The following MAML2 variants were observed in gnomAD, a reference collection of about 807,000 sequenced individuals.
MAML2 encodes mastermind like transcriptional coactivator 2.
Under a neutral mutation model 96.1 loss-of-function variants are expected in MAML2, and 22 were observed. The observed-to-expected ratio is 0.23, with a 90% CI of 0.16 to 0.33. The LOEUF (loss-of-function observed/expected upper bound fraction) is 0.33. MAML2 is among the 10% of genes least tolerant of loss of function. The pLI is 1.00. For synonymous variants in MAML2, 561 were observed against 521.3 expected (o/e 1.08, Z -1.04); for missense variants, 1,367 against 1,392.4 (o/e 0.98, Z 0.29).
chr11:96,157,009 C>G (rs1414925005), intron 1 of MAML2, among the ~76,000 whole-genome samples: 1 of 152,200 alleles, frequency 6.6e-6, no homozygotes, highest in Non-Finnish European at 1.5e-5. Flanking sequence ...AAGGCAGACT[C>G]AGAAGGCAAA....
chr11:96,044,205 C>T (rs538574825), intron 2 of MAML2, among the ~76,000 whole-genome samples: 2 of 152,326 alleles, frequency 1.3e-5, no homozygotes, highest in South Asian at 4.1e-4. Context: ...GGGTATCTGG[C>T]TGGGCAAGAG....
At chr11:96,000,889 A>G (rs1411076244) in intron 2 of MAML2, among the ~76,000 whole-genome samples, 2 of 152,252 alleles carry the variant, frequency 1.3e-5, no homozygotes, top group African/African-American at 2.4e-5. Flanking sequence ...CTTATCTGAT[A>G]TAACTTATTG....
At chr11:96,299,060 A>ATATATATATATATATATATATATATAT (rs1555037072) in intron 1 of MAML2, among the ~76,000 whole-genome samples, 16 of 56,314 alleles carry the variant, frequency 2.8e-4, no homozygotes, top group African/African-American at 9.0e-4. Flanking sequence ...AAAAAAAAAA[A>ATATATATATATATATATATATATATAT]ATATATATAT....
At chr11:96,229,029 C>G (rs1862254428) in intron 1 of MAML2, among the ~76,000 whole-genome samples, 1 of 151,182 alleles carries the variant, frequency 6.6e-6, no homozygotes, top group Non-Finnish European at 1.5e-5. Flanking sequence ...GTAGAACAAT[C>G]TATAGAAATA....
At position 96,201,910 on chromosome 11, in the gene MAML2, C is replaced by A. The variant is rs140598502; in HGVS notation, c.514-108393G>T. On this transcript the variant is annotated intron_variant, in intron 1 of 4. Transcript: ENST00000524717. Reference sequence around the variant, plus strand: ...CTCCAGCCTGAGCGACAGAGAGAGACTCCATCTCAAAAAAAAAAAGTCTCT... The same window carrying A: ...CTCCAGCCTGAGCGACAGAGAGAGAATCCATCTCAAAAAAAAAAAGTCTCT... Among the ~76,000 whole-genome samples the A allele has an allele frequency of 3.8e-3, 564 of 147,494 alleles. 16 individuals carry two copies. The highest frequency in any genetic ancestry group is 0.027 in the East Asian group (131 of 4,792).
At position 95,991,642 on chromosome 11, in the gene MAML2, A is replaced by G. The variant is rs1367347847; in HGVS notation, c.2221T>C (p.Tyr741His). The G allele has an allele frequency of 6.2e-7, 1 of 1,613,720 alleles. No individual in the cohort carries two copies. Among genetic ancestry groups the G allele is most frequent in the South Asian group, 1.1e-5 (1 of 91,078 alleles). The change falls in exon 3 of 5, where the codon TAC becomes CAC. Residue 741 changes from tyrosine (Y) to histidine (H), a missense_variant. Physicochemically the swap from Tyr to His is moderately conservative, Grantham distance 83 (BLOSUM62 2). Coordinates refer to ENST00000524717, the MANE Select transcript of MAML2 (RefSeq NM_032427.4). ...PCSNPNTGSG[Y>H]MNSQQSLLNQ... The stretch of plus-strand genomic sequence containing the variant: ...AACAGTGATTGCTGGGAGTTCATGT[A>G]ACCACTTCCAGTGTTTGGATTTGAG...
At chr11:96,288,888 T>C (rs535084072) in intron 1 of MAML2, among the ~76,000 whole-genome samples, 67 of 152,340 alleles carry the variant, frequency 4.4e-4, no homozygotes, top group Non-Finnish European at 8.7e-4. Flanking sequence ...ATATAATTTT[T>C]CTACTAATAA....
chr11:96,042,280 A>G (rs2509077), intron 2 of MAML2, among the ~76,000 whole-genome samples: 105,262 of 151,710 alleles, frequency 0.69, 37,137 homozygotes, highest in East Asian at 0.86. Flanking sequence ...GCCCATCCAT[A>G]CCAGGCTATT....
Position 95,978,977 on chromosome 11 carries a change from G to T in MAML2, c.3442C>A (p.Leu1148Ile). 1 of 1,611,570 alleles carries T rather than the reference G, an allele frequency of 6.2e-7. No homozygotes were observed. The highest frequency in any genetic ancestry group is 8.5e-7 in the Non-Finnish European group (1 of 1,179,150). ...GNDDWMKDIN[L>I]DEILGNNS ...GAATTGTTCCCCAAGATTTCATCAA[G>T]ATTGATGTCTTTCATCCAGTCATCA... Residue 1148 changes from leucine to isoleucine, a missense_variant, in exon 5 of 5, where the codon CTT becomes ATT. Transcript: ENST00000524717.
chr11:96,230,742 A>T (rs1229162365), intron 1 of MAML2, among the ~76,000 whole-genome samples: 1 of 152,236 alleles, frequency 6.6e-6, no homozygotes, highest in Non-Finnish European at 1.5e-5. Context: ...ATCTTTGGAA[A>T]TAGTCCTCAG....
chr11:96,169,387 C>T (rs1208112709), intron 1 of MAML2, among the ~76,000 whole-genome samples: 1 of 152,226 alleles, frequency 6.6e-6, no homozygotes, highest in Non-Finnish European at 1.5e-5. Flanking sequence ...CCTGTTCCAT[C>T]TAGCACTTTC....
At chr11:96,216,448 T>C (rs1420795341) in intron 1 of MAML2, among the ~76,000 whole-genome samples, 2 of 152,220 alleles carry the variant, frequency 1.3e-5, no homozygotes, top group East Asian at 3.8e-4. Flanking sequence ...GAATTTTACT[T>C]CACTTCTCTT....
chr11:96,072,550 T>G (rs1565205684), intron 2 of MAML2, among the ~76,000 whole-genome samples: 1 of 152,214 alleles, frequency 6.6e-6, no homozygotes, highest in Admixed American at 6.5e-5. Flanking sequence ...AATTTGAGTA[T>G]TTACATAGTT....
intron 2 of MAML2, among the ~76,000 whole-genome samples, chr11:96,017,173 G>A (rs973570536): frequency 1.4e-4 from 21 of 152,120 alleles, no homozygotes; most frequent in African/African-American, 4.8e-4. Context: ...CCATTTCATA[G>A]ATGAGGAAAA....
chr11:96,256,231 C>CA (rs1280569716), intron 1 of MAML2, among the ~76,000 whole-genome samples: 10 of 151,132 alleles, frequency 6.6e-5, no homozygotes, highest in East Asian at 1.9e-4. Flanking sequence ...TTGGATGCCA[C>CA]AAAAAAAAAT....
intron 1 of MAML2, among the ~76,000 whole-genome samples, chr11:96,165,587 T>C (rs1861178084): frequency 1.3e-5 from 2 of 152,220 alleles, no homozygotes; most frequent in African/African-American, 4.8e-5. Flanking sequence ...TCACATACCA[T>C]AAAAATCCAA....
chr11:96,191,131 G>A lies in MAML2; in HGVS notation c.514-97614C>T, dbSNP rs116256105. 5.1e-3 allele frequency among the ~76,000 whole-genome samples: 783 copies of A among 152,208 alleles called. 10 individuals are homozygous for A. The highest frequency in any genetic ancestry group is 0.017 in the African/African-American group (713 of 41,528). On this transcript the variant is annotated intron_variant, in intron 1 of 4. Coordinates refer to ENST00000524717, the MANE Select transcript of MAML2 (RefSeq NM_032427.4). Reference sequence around the variant, plus strand: ...ATGTAAGAAAGATGCAAAGAAGTGAGGATTTTTAGGTAGTAGAGGAGTCAT... The same window carrying A: ...ATGTAAGAAAGATGCAAAGAAGTGAAGATTTTTAGGTAGTAGAGGAGTCAT...
In MAML2 at chr11:96,245,894, G is replaced by T. The variant is rs558304657; in HGVS notation, c.513+95489C>A. On this transcript the variant is annotated intron_variant, in intron 1 of 4. Coordinates refer to ENST00000524717, the MANE Select transcript of MAML2 (RefSeq NM_032427.4). The stretch of plus-strand genomic sequence containing the variant: ...TAATTTTTGTATTTTTAGTAGAGAC[G>T]GGGTTTCACCATGTTGGTCAGCCTG... 1.1e-3 allele frequency among the ~76,000 whole-genome samples: 171 copies of T among 151,928 alleles called. 1 individual carries two copies. The highest frequency in any genetic ancestry group is 3.9e-3 in the African/African-American group (163 of 41,434).
chr11:96,146,268 A>G (rs544120716), intron 1 of MAML2, among the ~76,000 whole-genome samples: 3 of 152,298 alleles, frequency 2.0e-5, no homozygotes, highest in South Asian at 2.1e-4. Context: ...AAGGAATTCC[A>G]TCTCTTGGGA....
Sources: allele counts gnomAD v4.1 joint callset (sites outside exome capture counted in the v4.1 genomes callset), GRCh38; gene constraint gnomAD v4.1.1; transcripts MANE v1.5; gene names NCBI Gene and HGNC (gene_info 2026-07-23, HGNC 2026-07-21).